Variants in PLCXD3 observed in about 807,000 individuals in gnomAD.
PLCXD3 encodes phosphatidylinositol specific phospholipase C X domain containing 3.
Under a neutral mutation model 25.5 loss-of-function variants are expected in PLCXD3, and 19 were observed. The observed-to-expected ratio is 0.75, with a 90% CI of 0.52 to 1.09. The LOEUF is 1.09. Among genes scored for constraint, PLCXD3 ranks in the 50% least tolerant of loss-of-function variants. The pLI, the probability that PLCXD3 is intolerant of heterozygous loss-of-function variation, is 0.00. For missense variants in PLCXD3, 411 were observed against 388.1 expected, an observed-to-expected ratio of 1.06 and a Z score of -0.50; for synonymous variants, 174 against 137.6, an observed-to-expected ratio of 1.26 and a Z score of -1.85.
intron 2 of PLCXD3, among the ~76,000 whole-genome samples, chr5:41,334,545 C>T (rs1016396207): frequency 8.5e-5 from 13 of 152,126 alleles, no homozygotes; most frequent in Admixed American, 7.9e-4. Flanking sequence ...CTCAGAAGTA[C>T]ATGGGACATA....
At chr5:41,509,972 TC>T (rs1240026700) in intron 1 of PLCXD3, among the ~76,000 whole-genome samples, 1 of 152,126 alleles carries the variant, frequency 6.6e-6, no homozygotes, top group Non-Finnish European at 1.5e-5. Context: ...ATCTATCAAA[TC>T]CGCCCAATTC....
intron 2 of PLCXD3, among the ~76,000 whole-genome samples, chr5:41,353,755 T>C (rs2085000368): frequency 6.6e-6 from 1 of 152,196 alleles, no homozygotes; most frequent in African/African-American, 2.4e-5. Flanking sequence ...AGGATTCTTT[T>C]CTTCTGAGTT....
rs1290883187 is a variant in PLCXD3 at position 41,440,213 on chromosome 5, CAA to C, written c.104-57681_104-57680del. Among the ~76,000 whole-genome samples, 681 of 79,974 alleles carry C rather than the reference CAA, an allele frequency of 8.5e-3. 9 individuals are homozygous for C. The highest frequency in any genetic ancestry group is 0.033 in the African/African-American group (651 of 19,862). The allele number at this position is 79,974 out of a possible 152,430, so 52.5% of individuals were successfully genotyped here. A position where few individuals can be genotyped will look rare whatever the true frequency, so the allele number is the denominator to read the frequency against. On this transcript the variant is annotated intron_variant, in intron 1 of 2. Transcript: ENST00000377801. ...GTTCTGAGCAAATTACATAATCTCT[CAA>C]TTTTTTTTTTTTTTTTTTTTTTTTT...
intron 1 of PLCXD3, among the ~76,000 whole-genome samples, chr5:41,401,749 T>C (rs1746193434): frequency 6.6e-6 from 1 of 152,004 alleles, no homozygotes; most frequent in Admixed American, 6.6e-5. Context: ...AGTCTTGGAG[T>C]TCTTTTGTGA....
chr5:41,353,150 T>C (rs1744519289), intron 2 of PLCXD3, among the ~76,000 whole-genome samples: 2 of 150,672 alleles, frequency 1.3e-5, no homozygotes, highest in East Asian at 4.0e-4. Flanking sequence ...TGGAGTGCAG[T>C]GGCGCGATCT....
intron 1 of PLCXD3, among the ~76,000 whole-genome samples, chr5:41,419,953 C>T (rs1746781070): frequency 6.6e-6 from 1 of 152,180 alleles, no homozygotes; most frequent in Non-Finnish European, 1.5e-5. Context: ...CCTTTAGTAG[C>T]TAAATAATTC....
intron 2 of PLCXD3, among the ~76,000 whole-genome samples, chr5:41,348,169 A>G (rs766735942): frequency 6.6e-6 from 1 of 152,228 alleles, no homozygotes; most frequent in Non-Finnish European, 1.5e-5. Context: ...TAAATGAGTT[A>G]GAGGAGTAGC....
chr5:41,494,114 G>A (rs1039293835), intron 1 of PLCXD3, among the ~76,000 whole-genome samples: 1 of 152,140 alleles, frequency 6.6e-6, no homozygotes, highest in African/African-American at 2.4e-5. Context: ...CTTATTTATT[G>A]TTAAGACAGG....
chr5:41,499,400 T>C (rs1002892708), intron 1 of PLCXD3, among the ~76,000 whole-genome samples: 7 of 151,676 alleles, frequency 4.6e-5, no homozygotes, highest in Middle Eastern at 3.4e-3. Context: ...ACTTACAATA[T>C]TATCAAAAGG....
chr5:41,496,253 G>GA (rs1245798036), intron 1 of PLCXD3, among the ~76,000 whole-genome samples: 9 of 151,964 alleles, frequency 5.9e-5, no homozygotes, highest in African/African-American at 2.2e-4. Context: ...TACACATTAT[G>GA]AAATTTTAAA....
In PLCXD3 at chr5:41,328,386, C is replaced by A. The variant is rs1250941004; in HGVS notation, c.813-14616G>T. Among the ~76,000 whole-genome samples the A allele has an allele frequency of 3.3e-5, 5 of 152,246 alleles. No individual in the cohort carries two copies. The East Asian group carries it at 9.7e-4, about 29-fold the overall frequency. ...AAAAATGAGTCTGCAGGATTTCTTT[C>A]CAACTTTCACAATTCCAAAGACAGA... On this transcript the variant is annotated intron_variant, in intron 2 of 2. Transcript: ENST00000377801.
intron 1 of PLCXD3, among the ~76,000 whole-genome samples, chr5:41,465,557 T>C (rs1440905061): frequency 6.6e-6 from 1 of 151,798 alleles, no homozygotes; most frequent in East Asian, 1.9e-4. Flanking sequence ...AAGCCTTTCC[T>C]TGGTTCTTGT....
intron 1 of PLCXD3, among the ~76,000 whole-genome samples, chr5:41,397,877 G>C (rs1321314515): frequency 1.3e-5 from 2 of 152,166 alleles, no homozygotes; most frequent in East Asian, 3.9e-4. Context: ...TTTTTGACTT[G>C]CATGGGTCCT....
At position 41,308,544 on chromosome 5, in the gene PLCXD3, T is replaced by G. The variant is rs1421395070; in HGVS notation, c.*5073A>C. ...TGTAGATCCTTGTCAGTCATGAGTTTTCTATTGCTAGACTAATTCTACACG... is the reference window on the plus strand; with the variant it reads ...TGTAGATCCTTGTCAGTCATGAGTTGTCTATTGCTAGACTAATTCTACACG... On this transcript the variant is annotated 3_prime_UTR_variant, in exon 3 of 3. Coordinates refer to ENST00000377801, the MANE Select transcript of PLCXD3 (RefSeq NM_001005473.3). The G allele has an allele frequency of 8.3e-6, 1 of 120,272 alleles. No individual in the cohort carries two copies. Among genetic ancestry groups the G allele is most frequent in the Admixed American group, 8.3e-5 (1 of 12,068 alleles). 7.5% of individuals were successfully genotyped at this position (120,272 alleles called of 1,614,324 possible).
At chr5:41,469,458 T>C (rs1748101608) in intron 1 of PLCXD3, among the ~76,000 whole-genome samples, 1 of 151,760 alleles carries the variant, frequency 6.6e-6, no homozygotes, top group Admixed American at 6.6e-5. Flanking sequence ...CTTTAAATGT[T>C]TGGTAGAATT....
intron 2 of PLCXD3, among the ~76,000 whole-genome samples, chr5:41,330,120 A>T (rs1743751222): frequency 6.6e-6 from 1 of 152,152 alleles, no homozygotes; most frequent in Non-Finnish European, 1.5e-5. Flanking sequence ...TTCCAAAATC[A>T]ATTCATTAAT....
intron 1 of PLCXD3, among the ~76,000 whole-genome samples, chr5:41,383,905 T>C (rs543104675): frequency 1.3e-5 from 2 of 152,190 alleles, no homozygotes; most frequent in East Asian, 3.9e-4. Context: ...TCCATATCTA[T>C]GTATATTTCT....
intron 2 of PLCXD3, among the ~76,000 whole-genome samples, chr5:41,316,272 G>A (rs1561229291): frequency 6.6e-6 from 1 of 152,118 alleles, no homozygotes; most frequent in Non-Finnish European, 1.5e-5. Context: ...AAGGGAACCT[G>A]CTGCCTTGAA....
At chr5:41,475,779 C>A in intron 1 of PLCXD3, 2 of 528,416 alleles carry the variant, frequency 3.8e-6, no homozygotes, top group East Asian at 1.1e-4. Flanking sequence ...ACAGCAGTTA[C>A]TGCTGTTACT....
Sources: allele counts gnomAD v4.1 joint callset (sites outside exome capture counted in the v4.1 genomes callset), GRCh38; gene constraint gnomAD v4.1.1; transcripts MANE v1.5; gene names NCBI Gene and HGNC (gene_info 2026-07-23, HGNC 2026-07-21).